The following THSD7B variants were observed in gnomAD, a reference collection of about 807,000 sequenced individuals.
The protein encoded by THSD7B is thrombospondin type-1 domain-containing protein 7B.
In THSD7B, 138 loss-of-function variants were observed where a neutral mutation model predicts 213.6. The observed-to-expected ratio is 0.65, with a 90% CI of 0.56 to 0.74. The LOEUF (loss-of-function observed/expected upper bound fraction) is 0.74. Ranked by LOEUF, THSD7B falls within the 30% of genes least tolerant of loss-of-function variation. The probability of loss-of-function intolerance (pLI) is 0.00; values close to 1 mark genes in which losing one functional copy is unlikely to be tolerated. For synonymous variants in THSD7B, 742 were observed against 687.0 expected (o/e 1.08, Z -1.25); for missense variants, 1,931 against 1,991.5 (o/e 0.97, Z 0.58).
At chr2:137,057,347 GT>G in intron 3 of THSD7B, 117 bp downstream of exon 3, 1 of 1,072,440 alleles carries the variant, frequency 9.3e-7, no homozygotes, top group Non-Finnish European at 1.3e-6. Flanking sequence ...TATAATTTAG[GT>G]TTTTAGAAGT....
At chr2:137,329,291 C>A (rs1468428204) in intron 12 of THSD7B, among the ~76,000 whole-genome samples, 3 of 152,158 alleles carry the variant, frequency 2.0e-5, no homozygotes, top group Non-Finnish European at 2.9e-5. Flanking sequence ...AGACTGACAG[C>A]ATATTGTCCC....
At chr2:137,489,527 A>C (rs1368656902) in intron 15 of THSD7B, among the ~76,000 whole-genome samples, 1 of 152,054 alleles carries the variant, frequency 6.6e-6, no homozygotes, top group African/African-American at 2.4e-5. Context: ...ATTTAGTCTT[A>C]TTGACCATAA....
At chr2:137,045,081 G>T (rs1686946280) in intron 2 of THSD7B, among the ~76,000 whole-genome samples, 1 of 152,184 alleles carries the variant, frequency 6.6e-6, no homozygotes, top group South Asian at 2.1e-4. Context: ...AGTTTGAGGT[G>T]CAACAGCAAA....
intron 15 of THSD7B, among the ~76,000 whole-genome samples, chr2:137,489,286 G>A (rs1286854869): frequency 1.6e-4 from 25 of 151,930 alleles, no homozygotes; most frequent in Non-Finnish European, 8.8e-5. Flanking sequence ...TTAGCCGGGC[G>A]TGGTGGTGCA....
At position 137,487,134 on chromosome 2, in the gene THSD7B, C is replaced by T. The variant is rs370110239; in HGVS notation, c.3138+36111C>T. Reference sequence around the variant, plus strand: ...CTGTAATCCCAGCACTTTGGGAGGCCGAGGCGGGTGGATCATGAGGTCAGG... The same window carrying T: ...CTGTAATCCCAGCACTTTGGGAGGCTGAGGCGGGTGGATCATGAGGTCAGG... On this transcript the variant is annotated intron_variant, in intron 15 of 27. Coordinates refer to ENST00000409968, the MANE Select transcript of THSD7B (RefSeq NM_001316349.2). 2.1e-4 allele frequency among the ~76,000 whole-genome samples: 31 copies of T among 149,438 alleles called. 1 individual carries two copies. Among genetic ancestry groups the T allele is most frequent in the African/African-American group, 6.3e-4 (25 of 39,440 alleles).
At chr2:136,960,915 T>C (rs1041725000) in intron 2 of THSD7B, among the ~76,000 whole-genome samples, 26 of 151,532 alleles carry the variant, frequency 1.7e-4, no homozygotes, top group South Asian at 4.2e-4. Flanking sequence ...CGGTGAAACC[T>C]CGTCTCTACT....
chr2:137,560,259 C>G (rs926351976), intron 15 of THSD7B, among the ~76,000 whole-genome samples: 3 of 152,060 alleles, frequency 2.0e-5, no homozygotes, highest in Non-Finnish European at 2.9e-5. Flanking sequence ...GACACATGCA[C>G]ACGTGTGTTT....
chr2:136,954,849 A>G (rs377366928), intron 2 of THSD7B, among the ~76,000 whole-genome samples: 1 of 151,968 alleles, frequency 6.6e-6, no homozygotes, highest in African/African-American at 2.4e-5. Context: ...GTGTCTCTAT[A>G]TAGGTATTTT....
intron 12 of THSD7B, among the ~76,000 whole-genome samples, chr2:137,384,745 G>C (rs1168107954): frequency 6.6e-6 from 1 of 152,120 alleles, no homozygotes; most frequent in Non-Finnish European, 1.5e-5. Flanking sequence ...TGCTCCCTGA[G>C]TTCTCCCTCT....
intron 7 of THSD7B, among the ~76,000 whole-genome samples, chr2:137,180,366 G>A (rs576401788): frequency 2.0e-5 from 3 of 152,188 alleles, no homozygotes; most frequent in East Asian, 3.9e-4. Flanking sequence ...ACTGCTCATC[G>A]TTTGTGTTAT....
chr2:137,668,575 T>A (rs1409121234), intron 27 of THSD7B, among the ~76,000 whole-genome samples: 2 of 151,906 alleles, frequency 1.3e-5, no homozygotes, highest in Non-Finnish European at 2.9e-5. Flanking sequence ...CAGAAGTAAA[T>A]GCAGTTGACT....
At chr2:137,488,950 A>C (rs866995480) in intron 15 of THSD7B, among the ~76,000 whole-genome samples, 2 of 152,336 alleles carry the variant, frequency 1.3e-5, no homozygotes, top group Middle Eastern at 3.4e-3. Context: ...TGGCCACCTC[A>C]GTTCTCAGAT....
intron 15 of THSD7B, among the ~76,000 whole-genome samples, chr2:137,513,225 G>A (rs1680003402): frequency 6.6e-6 from 1 of 152,168 alleles, no homozygotes; most frequent in East Asian, 1.9e-4. Context: ...AAAGCAGTAG[G>A]TTACATTGAG....
At chr2:137,410,516 C>A (rs1686630917) in intron 13 of THSD7B, among the ~76,000 whole-genome samples, 2 of 152,038 alleles carry the variant, frequency 1.3e-5, no homozygotes, top group South Asian at 4.1e-4. Flanking sequence ...TAATCCTCCC[C>A]CAGTGGCCTC....
intron 5 of THSD7B, among the ~76,000 whole-genome samples, chr2:137,136,370 T>C (rs2104959312): frequency 6.6e-6 from 1 of 152,262 alleles, no homozygotes; most frequent in South Asian, 2.1e-4. Flanking sequence ...CAAGGAGAAA[T>C]ATCCTTCTGT....
At chr2:137,023,921 GT>G (rs34578587) in intron 2 of THSD7B, among the ~76,000 whole-genome samples, 12,540 of 147,446 alleles carry the variant, frequency 0.085, 734 homozygotes, top group African/African-American at 0.16. Context: ...CGTCCTTCTA[GT>G]TTTTTTTTTT....
chr2:137,482,201 A>G (rs1304975896), intron 15 of THSD7B, among the ~76,000 whole-genome samples: 1 of 151,856 alleles, frequency 6.6e-6, no homozygotes, highest in African/African-American at 2.4e-5. Context: ...AAAAAAAAAA[A>G]AAGGGTTTAG....
chr2:137,598,367 T>G (rs1682005034), intron 17 of THSD7B, among the ~76,000 whole-genome samples: 1 of 152,124 alleles, frequency 6.6e-6, no homozygotes, highest in Admixed American at 6.6e-5. Flanking sequence ...CTAGCAAAAT[T>G]TTAGCAAGGA....
intron 14 of THSD7B, among the ~76,000 whole-genome samples, chr2:137,420,074 G>A (rs1686890427): frequency 2.0e-5 from 3 of 152,058 alleles, no homozygotes; most frequent in Admixed American, 2.0e-4. Context: ...CAGTGTACGA[G>A]GGTTCCCCTT....
Sources: gnomAD v4.1 joint callset for allele counts (sites outside exome capture counted in the v4.1 genomes callset) on GRCh38, gnomAD v4.1.1 for gene constraint, MANE v1.5 for transcripts, NCBI Gene and HGNC (gene_info 2026-07-23, HGNC 2026-07-21) for gene names.